PCM1: variants seen among roughly 807,000 people sequenced by gnomAD.
PCM1 encodes the protein pericentriolar material 1.
PCM1 carries 157 observed loss-of-function variants against 241.9 expected under a neutral mutation model. The ratio of observed to expected loss-of-function variants is 0.65; its 90% confidence interval spans 0.57 to 0.74. PCM1 has a LOEUF of 0.74. PCM1 is among the 30% of genes least tolerant of loss of function. PCM1 has a pLI of 0.00. For missense variants in PCM1, 3,478 were observed against 2,360.1 expected (o/e 1.47, Z -9.81); for synonymous variants, 1,085 against 784.9 (o/e 1.38, Z -6.39).
In PCM1 at chr8:17,956,716, G is replaced by GA. The variant is rs1326135180; in HGVS notation, c.1588dup (p.Thr530AsnfsTer2). ...TGTGAATGAAAACAGGAAAGATGAA[G>GA]AAACTGAAGAGTCAGAATATGATTC... is the stretch of plus-strand genomic sequence containing the variant. On this transcript the variant is annotated frameshift_variant, in exon 11 of 39. Coordinates refer to ENST00000325083, the MANE Select transcript of PCM1 (RefSeq NM_006197.4). LOFTEE classifies it high-confidence loss of function. 6.2e-7 allele frequency: 1 copy of GA among 1,607,016 alleles called. No homozygotes were observed. Among genetic ancestry groups the GA allele is most frequent in the Non-Finnish European group, 8.5e-7 (1 of 1,175,734 alleles).
chr8:18,024,765 A>C (rs552862067), intron 36 of PCM1, among the ~76,000 whole-genome samples: 29 of 152,330 alleles, frequency 1.9e-4, no homozygotes, highest in African/African-American at 6.3e-4. Context: ...TAAGTATGAA[A>C]TATAAGCTGA....
At chr8:17,947,024 A>G (rs2064077762) in intron 6 of PCM1, among the ~76,000 whole-genome samples, 162 bp from the exon 7 acceptor site, 2 of 152,052 alleles carry the variant, frequency 1.3e-5, no homozygotes, top group South Asian at 4.1e-4. Context: ...TCTCTGTGTC[A>G]TCATTCTGTT....
Position 18,010,676 on chromosome 8 carries a change from C to A in PCM1, c.5220+8C>A, listed in dbSNP as rs1564364827. ...ATTGATGATGAAGACAAAGTATGTG[C>A]TAATTAATTTTTGCCTAAAAATATG... On this transcript the variant is annotated splice_region_variant and intron_variant, in intron 32 of 38. Transcript: ENST00000325083. The A allele has an allele frequency of 6.3e-7, 1 of 1,587,494 alleles. No individual in the cohort carries two copies. Among genetic ancestry groups the A allele is most frequent in the Middle Eastern group, 1.7e-4 (1 of 5,896 alleles).
Position 17,960,141 on chromosome 8 carries a change from A to G in PCM1, c.2168A>G (p.Asp723Gly). ...TRGNANKTQK[D>G]TGVNEKAREK... ...GGAAATGCCAATAAAACACAGAAAG[A>G]TACTGGAGTAAATGAAAAGGCAAGG... The change falls in exon 14 of 39, where the codon GAT becomes GGT. Residue 723 changes from aspartate (D) to glycine (G), a missense_variant. Transcript: ENST00000325083. 2 of 1,582,022 alleles carry G rather than the reference A, an allele frequency of 1.3e-6. No homozygotes were observed. The highest frequency in any genetic ancestry group is 1.3e-5 in the African/African-American group (1 of 74,154).
At chr8:17,980,817 T>C (rs1194158714) in intron 24 of PCM1, 62 bp downstream of exon 24, 2 of 1,307,964 alleles carry the variant, frequency 1.5e-6, no homozygotes, top group Non-Finnish European at 1.0e-6. Context: ...TGAAAAGCTA[T>C]AATAAAGCAG....
At chr8:17,941,988 C>G (rs1221995789) in intron 6 of PCM1, among the ~76,000 whole-genome samples, 2 of 151,836 alleles carry the variant, frequency 1.3e-5, no homozygotes, top group Non-Finnish European at 2.9e-5. Flanking sequence ...TAGTAAAATT[C>G]TGTCCCTTAC....
rs1486418232 is a variant in PCM1 at position 18,010,621 on chromosome 8, C to T, written c.5173C>T (p.Leu1725Phe). ...ATTTGTTTTAAAGGCTAAAAGGATTCTTGAAGATCATGGCTCACCTGCTGG... is the reference window on the plus strand; with the variant it reads ...ATTTGTTTTAAAGGCTAAAAGGATTTTTGAAGATCATGGCTCACCTGCTGG... ...QSCAKEAKRI[L>F]EDHGSPAGEI... The change falls in exon 32 of 39, where the codon CTT (leucine) becomes TTT (phenylalanine). Residue 1725 changes from leucine to phenylalanine, a missense_variant. Transcript: ENST00000325083. 1.9e-6 allele frequency: 3 copies of T among 1,599,450 alleles called. No individual in the cohort carries two copies. Among genetic ancestry groups the T allele is most frequent in the African/African-American group, 2.8e-5 (2 of 72,468 alleles).
Position 17,985,571 on chromosome 8 carries a change from G to A in PCM1, c.4233G>A (p.Gln1411=), listed in dbSNP as rs1269389096. ...HFLIELFHEL[Q]LLNTDYLRQR... is the part of the protein sequence containing the mutation. ...TTATTGAACTCTTCCATGAGCTGCA[G>A]CTACTAAACACAGACTACTTGAGAC... Residue 1411 remains glutamine (Q), a synonymous_variant, in exon 25 of 39, where the codon CAG becomes CAA. Coordinates refer to ENST00000325083, the MANE Select transcript of PCM1 (RefSeq NM_006197.4). 1.2e-6 allele frequency: 2 copies of A among 1,607,232 alleles called. No homozygotes were observed. The highest frequency in any genetic ancestry group is 8.5e-7 in the Non-Finnish European group (1 of 1,176,304).
At chr8:17,954,296 A>T (rs2067192384) in intron 9 of PCM1, among the ~76,000 whole-genome samples, 1 of 151,990 alleles carries the variant, frequency 6.6e-6, no homozygotes, top group African/African-American at 2.4e-5. Flanking sequence ...GTGTGGTGGT[A>T]CATGCCTGTA....
chr8:18,028,396 T>TTC lies in PCM1; in HGVS notation c.*735_*736insCT, dbSNP rs1564499915. ...AGACTAAAAGTAAAAAAAATAAGCT[T>TTC]TATATAATTAGGGAGATTTCTGCAC... On this transcript the variant is annotated 3_prime_UTR_variant, in exon 39 of 39. Transcript: ENST00000325083. 1.5e-4 allele frequency: 29 copies of TTC among 193,862 alleles called. No homozygotes were observed. The highest frequency in any genetic ancestry group is 5.1e-4 in the African/African-American group (22 of 43,238). 12.0% of individuals were successfully genotyped at this position (193,862 alleles called of 1,614,324 possible).
chr8:17,968,354 TAGAA>T (rs1021030429), intron 21 of PCM1, among the ~76,000 whole-genome samples: 1 of 152,176 alleles, frequency 6.6e-6, no homozygotes, highest in African/African-American at 2.4e-5. Context: ...ATTTATATTT[TAGAA>T]AGATTACACT....
rs1166401113 is a variant in PCM1 at position 18,001,995 on chromosome 8, C to CTTTTTTT, written c.4828-4234_4828-4228dup. On this transcript the variant is annotated intron_variant, in intron 29 of 38. Transcript: ENST00000325083. Reference sequence around the variant, plus strand: ...CCTTTTGCCGCTGCTTCTAACCTTTCTTTTTTTTTTTTTTTTTTTTTTTTT... The same window carrying CTTTTTTT: ...CCTTTTGCCGCTGCTTCTAACCTTTCTTTTTTTTTTTTTTTTTTTTTTTTTTTTTTTT... 7.3e-4 allele frequency among the ~76,000 whole-genome samples: 17 copies of CTTTTTTT among 23,404 alleles called. 2 individuals are homozygous for CTTTTTTT. Among genetic ancestry groups the CTTTTTTT allele is most frequent in the South Asian group, 4.7e-3 (2 of 426 alleles). The allele number at this position is 23,404 out of a possible 152,430, so 15.4% of individuals were successfully genotyped here. A position where few individuals can be genotyped will look rare whatever the true frequency, so the allele number is the denominator to read the frequency against.
At chr8:18,009,778 T>G in intron 31 of PCM1, 34 bp downstream of exon 31, 1 of 1,249,212 alleles carries the variant, frequency 8.0e-7, no homozygotes, top group Non-Finnish European at 1.1e-6. Flanking sequence ...TTAGGATAAT[T>G]GACACATAAA....
chr8:17,938,349 A>G (rs573404364), intron 4 of PCM1, among the ~76,000 whole-genome samples: 1 of 152,260 alleles, frequency 6.6e-6, no homozygotes, highest in African/African-American at 2.4e-5. Flanking sequence ...ACATAAATGA[A>G]TTTTATGTTT....
At chr8:17,933,546 C>T (rs776099309) in intron 2 of PCM1, among the ~76,000 whole-genome samples, 6 of 152,166 alleles carry the variant, frequency 3.9e-5, no homozygotes, top group Non-Finnish European at 7.4e-5. Flanking sequence ...AGTATCCCAT[C>T]ATGGAAGATA....
chr8:18,025,770 A>T, intron 38 of PCM1, 112 bp downstream of exon 38: 2 of 623,510 alleles, frequency 3.2e-6, no homozygotes, highest in Non-Finnish European at 5.6e-6. Flanking sequence ...ATTTAAGCCA[A>T]ATACTAGAAA....
chr8:17,942,889 C>G (rs1039072713), intron 6 of PCM1, among the ~76,000 whole-genome samples: 1 of 151,418 alleles, frequency 6.6e-6, no homozygotes, highest in Non-Finnish European at 1.5e-5. Context: ...CTCAGCTACT[C>G]AGGAGGCTGA....
chr8:17,950,583 A>G (rs764927940), intron 7 of PCM1, 32 bp from the exon 8 acceptor site: 1 of 1,031,166 alleles, frequency 9.7e-7, no homozygotes, highest in Non-Finnish European at 1.5e-6. Flanking sequence ...TTGATTATTT[A>G]CATTAATCAG....
rs2091314889 is a variant in PCM1, at chr8:18,006,398, GTAAGAGTTTA to G, written c.4962+4_4962+13del. On this transcript the variant is annotated splice_donor_variant and splice_donor_5th_base_variant and intron_variant, in intron 30 of 38. Coordinates refer to ENST00000325083, the MANE Select transcript of PCM1 (RefSeq NM_006197.4). LOFTEE classifies it high-confidence loss of function. ...TAAACAACTTGGAAGTATATTACAG[GTAAGAGTTTA>G]TACTTGTATGATTTACCAATATGTA... 6.2e-7 allele frequency: 1 copy of G among 1,601,330 alleles called. No homozygotes were observed. Among genetic ancestry groups the G allele is most frequent in the Non-Finnish European group, 8.6e-7 (1 of 1,168,814 alleles).
Sources: gnomAD v4.1 joint callset for allele counts (sites outside exome capture counted in the v4.1 genomes callset) on GRCh38, gnomAD v4.1.1 for gene constraint, MANE v1.5 for transcripts, NCBI Gene and HGNC (gene_info 2026-07-23, HGNC 2026-07-21) for gene names.